The following PRKCA variants were observed in gnomAD, a reference collection of about 807,000 sequenced individuals.
PRKCA encodes protein kinase C alpha.
PRKCA carries 27 observed loss-of-function variants against 87.0 expected under a neutral mutation model. That is an observed-to-expected ratio of 0.31 (90% CI 0.23 to 0.43). The LOEUF (loss-of-function observed/expected upper bound fraction) is 0.43. Among genes scored for constraint, PRKCA ranks in the 20% least tolerant of loss-of-function variants. The pLI is 1.00. For synonymous variants in PRKCA, 329 were observed against 311.1 expected (o/e 1.06, Z -0.61); for missense variants, 518 against 852.3 (o/e 0.61, Z 4.88).
At chr17:66,356,853 C>T (rs1024409367) in intron 2 of PRKCA, among the ~76,000 whole-genome samples, 4 of 152,188 alleles carry the variant, frequency 2.6e-5, no homozygotes, top group Admixed American at 1.3e-4. Flanking sequence ...CTCTTGGGCT[C>T]AGGTGATTCT....
chr17:66,579,121 G>A (rs544367968), intron 3 of PRKCA, among the ~76,000 whole-genome samples: 4 of 152,310 alleles, frequency 2.6e-5, no homozygotes, highest in East Asian at 1.9e-4. Flanking sequence ...CTGCTGTGGC[G>A]CTGGCACACA....
At chr17:66,798,878 ATGG>A (rs1975781002) in intron 16 of PRKCA, among the ~76,000 whole-genome samples, 4 of 2,846 alleles carry the variant, frequency 1.4e-3, no homozygotes, top group Non-Finnish European at 1.9e-3. Flanking sequence ...GGTGGTGGTG[ATGG>A]TGGTGGTGGT....
chr17:66,541,595 T>TG (rs1389343415), intron 3 of PRKCA, among the ~76,000 whole-genome samples: 1 of 152,194 alleles, frequency 6.6e-6, no homozygotes, highest in Non-Finnish European at 1.5e-5. Context: ...AGGCAGGAAT[T>TG]GCACGTGCAA....
chr17:66,425,011 C>T (rs1271996193), intron 2 of PRKCA, among the ~76,000 whole-genome samples: 2 of 152,118 alleles, frequency 1.3e-5, no homozygotes, highest in South Asian at 2.1e-4. Context: ...ATCCACCCTC[C>T]TTGGCCTCCC....
intron 2 of PRKCA, among the ~76,000 whole-genome samples, chr17:66,314,739 C>T (rs1905219823): frequency 6.6e-6 from 1 of 152,080 alleles, no homozygotes; most frequent in Non-Finnish European, 1.5e-5. Context: ...AATGAGGGTC[C>T]AGTTAACAGT....
chr17:66,343,434 G>A (rs1188442075), intron 2 of PRKCA, among the ~76,000 whole-genome samples: 2 of 152,150 alleles, frequency 1.3e-5, no homozygotes, highest in African/African-American at 4.8e-5. Flanking sequence ...CCCTCATTTG[G>A]TTGGTTTTCG....
intron 2 of PRKCA, among the ~76,000 whole-genome samples, chr17:66,349,646 G>T (rs1321436228): frequency 6.6e-6 from 1 of 152,130 alleles, no homozygotes; most frequent in East Asian, 1.9e-4. Flanking sequence ...GTTTTCCCGG[G>T]CCTTTAGTTG....
At chr17:66,739,629 A>G (rs755276119) in intron 11 of PRKCA, among the ~76,000 whole-genome samples, 1 of 152,106 alleles carries the variant, frequency 6.6e-6, no homozygotes, top group Non-Finnish European at 1.5e-5. Context: ...GGGAAGTGCA[A>G]CCCCACGAAA....
chr17:66,664,603 T>G (rs1971993000), intron 5 of PRKCA, among the ~76,000 whole-genome samples: 1 of 151,142 alleles, frequency 6.6e-6, no homozygotes, highest in Admixed American at 6.6e-5. Flanking sequence ...TGAAGAGAGA[T>G]TCATCTCAAT....
At chr17:66,714,290 T>C (rs1288580165) in intron 8 of PRKCA, among the ~76,000 whole-genome samples, 2 of 151,454 alleles carry the variant, frequency 1.3e-5, no homozygotes, top group Non-Finnish European at 2.9e-5. Context: ...CCAGGCCTCA[T>C]GCATGGGGCC....
chr17:66,499,796 G>A (rs1916647611), intron 3 of PRKCA, among the ~76,000 whole-genome samples: 1 of 152,084 alleles, frequency 6.6e-6, no homozygotes, highest in South Asian at 2.1e-4. Flanking sequence ...GAAAGAGAAA[G>A]AGGTATATTA....
At chr17:66,647,105 G>T (rs112859707) in intron 5 of PRKCA, among the ~76,000 whole-genome samples, 1,849 of 152,260 alleles carry the variant, frequency 0.012, 33 homozygotes, top group African/African-American at 0.042. Flanking sequence ...AGAGGAAGAT[G>T]GTGTTCCTCG....
intron 3 of PRKCA, among the ~76,000 whole-genome samples, chr17:66,499,962 A>G (rs1437780708): frequency 6.6e-6 from 1 of 152,184 alleles, no homozygotes; most frequent in Non-Finnish European, 1.5e-5. Context: ...CCGAAAATTC[A>G]TATGCTGAAA....
chr17:66,581,667 G>A (rs759079946), intron 3 of PRKCA, among the ~76,000 whole-genome samples: 2 of 152,008 alleles, frequency 1.3e-5, no homozygotes, highest in Non-Finnish European at 2.9e-5. Flanking sequence ...AATAGAGATA[G>A]GGTTTCACCG....
At chr17:66,531,490 A>C (rs7224188) in intron 3 of PRKCA, among the ~76,000 whole-genome samples, 1 of 152,100 alleles carries the variant, frequency 6.6e-6, no homozygotes, top group Non-Finnish European at 1.5e-5. Context: ...GGCCCTGCCT[A>C]AAGCTCGATT....
intron 2 of PRKCA, among the ~76,000 whole-genome samples, chr17:66,465,333 G>T (rs187533899): frequency 1.1e-4 from 17 of 152,142 alleles, no homozygotes; most frequent in Admixed American, 1.1e-3. Context: ...TCTTAAATTT[G>T]ACTTATCATA....
In PRKCA at chr17:66,805,774, A is replaced by T. The variant is rs1855069050; in HGVS notation, c.*1737A>T. 1 of 147,626 alleles carries T rather than the reference A, an allele frequency of 6.8e-6. No individual in the cohort carries two copies. The highest frequency in any genetic ancestry group is 2.5e-5 in the African/African-American group (1 of 40,002). The allele number at this position is 147,626 out of a possible 1,614,324, so 9.1% of individuals were successfully genotyped here. The stretch of plus-strand genomic sequence containing the variant: ...GGTACACACGTGGCATTGCCGCAGC[A>T]CCTGGGCTGACCTTTGTGTGTGCGT... On this transcript the variant is annotated 3_prime_UTR_variant, in exon 17 of 17. Transcript: ENST00000413366.
intron 2 of PRKCA, among the ~76,000 whole-genome samples, chr17:66,435,584 G>GAGGGAGA (rs1281554372): frequency 6.6e-6 from 1 of 152,212 alleles, no homozygotes; most frequent in African/African-American, 2.4e-5. Context: ...TGGGAGGGAG[G>GAGGGAGA]AGGGAGAGGT....
intron 5 of PRKCA, among the ~76,000 whole-genome samples, chr17:66,658,183 A>C (rs1407996664): frequency 6.6e-6 from 1 of 152,092 alleles, no homozygotes; most frequent in African/African-American, 2.4e-5. Context: ...GCCCCTTATA[A>C]AACCATCAGA....
Sources: gnomAD v4.1 joint callset for allele counts (sites outside exome capture counted in the v4.1 genomes callset) on GRCh38, gnomAD v4.1.1 for gene constraint, MANE v1.5 for transcripts, NCBI Gene and HGNC (gene_info 2026-07-23, HGNC 2026-07-21) for gene names.